ANKRD17: variants seen among roughly 807,000 people sequenced by gnomAD.
The protein encoded by ANKRD17 is ankyrin repeat domain-containing protein 17.
In ANKRD17, 19 loss-of-function variants were observed where a neutral mutation model predicts 229.7. The observed-to-expected ratio is 0.08, with a 90% CI of 0.06 to 0.12. The LOEUF (loss-of-function observed/expected upper bound fraction) is 0.12, where lower values mean the gene tolerates loss of function less well. ANKRD17 is among the 10% of genes least tolerant of loss of function. The pLI is 1.00. For synonymous variants in ANKRD17, 1,112 were observed against 1,146.1 expected (o/e 0.97, Z 0.60); for missense variants, 2,176 against 3,176.8 (o/e 0.68, Z 7.57).
Position 73,147,268 on chromosome 4 carries a change from C to T in ANKRD17, c.1732G>A (p.Glu578Lys). Residue 578 changes from glutamate to lysine, a missense_variant, in exon 9 of 34, where the codon GAG becomes AAG. This residue lies in a region of ANKRD17 where 275 missense variants were observed against 386.9 expected (regional missense o/e 0.71). Coordinates refer to ENST00000358602, the MANE Select transcript of ANKRD17 (RefSeq NM_032217.5). ...GCAGCTAATAAGTATTTAACTAACT[C>T]CAAATGACCCTCTTGAGCAGCTTCC... Reference protein sequence around the residue: ...LMEAAQEGHLELVKYLLAAGA... With the variant: ...LMEAAQEGHLKLVKYLLAAGA... The T allele has an allele frequency of 6.4e-7, 1 of 1,569,650 alleles. No individual in the cohort carries two copies. The highest frequency in any genetic ancestry group is 8.6e-7 in the Non-Finnish European group (1 of 1,160,584).
chr4:73,200,674 T>C (rs1738546410), intron 1 of ANKRD17, among the ~76,000 whole-genome samples: 1 of 152,178 alleles, frequency 6.6e-6, no homozygotes. Flanking sequence ...CTAAATGCCA[T>C]TAGTTTTTGT....
intron 1 of ANKRD17, among the ~76,000 whole-genome samples, chr4:73,184,864 C>T (rs776220099): frequency 2.6e-5 from 4 of 152,034 alleles, no homozygotes; most frequent in Admixed American, 6.6e-5. Flanking sequence ...AGGAAGATGG[C>T]GCCTTTCAAT....
chr4:73,135,892 G>T (rs1330328828), intron 15 of ANKRD17, among the ~76,000 whole-genome samples: 1 of 152,088 alleles, frequency 6.6e-6, no homozygotes, highest in Non-Finnish European at 1.5e-5. Flanking sequence ...TATTCTGAGG[G>T]AGCTAAAATG....
chr4:73,098,917 G>A (rs1723617771), intron 25 of ANKRD17: 2 of 1,077,582 alleles, frequency 1.9e-6, no homozygotes, highest in South Asian at 1.2e-5. Context: ...CCCGCAAGCA[G>A]CCTCTGGTGA....
At chr4:73,100,505 A>T (rs1723843351) in intron 25 of ANKRD17, among the ~76,000 whole-genome samples, 6 of 152,042 alleles carry the variant, frequency 3.9e-5, no homozygotes, top group Admixed American at 3.9e-4. Flanking sequence ...GAGAAAAAAA[A>T]ATTGGGGGGA....
chr4:73,098,800 C>T (rs1177431369), intron 25 of ANKRD17: 11 of 1,484,360 alleles, frequency 7.4e-6, no homozygotes, highest in East Asian at 4.6e-5. Context: ...CAATCTTCCA[C>T]CTGCTCCTTA....
intron 1 of ANKRD17, among the ~76,000 whole-genome samples, chr4:73,229,380 C>T (rs1742825749): frequency 1.3e-5 from 2 of 152,062 alleles, no homozygotes; most frequent in African/African-American, 2.4e-5. Flanking sequence ...TGCTTCCCTA[C>T]AAATATAAAG....
intron 1 of ANKRD17, among the ~76,000 whole-genome samples, chr4:73,180,303 A>G (rs564803494): frequency 1.3e-5 from 2 of 152,246 alleles, no homozygotes; most frequent in South Asian, 4.1e-4. Flanking sequence ...AAAAATTTCT[A>G]TGTGATAGAA....
chr4:73,250,155 C>A (rs1226497482), intron 1 of ANKRD17, among the ~76,000 whole-genome samples: 3 of 152,276 alleles, frequency 2.0e-5, no homozygotes, highest in Non-Finnish European at 2.9e-5. Context: ...TGCTGTATTT[C>A]AGATCATTTA....
chr4:73,100,436 TC>T (rs1723832281), intron 25 of ANKRD17, among the ~76,000 whole-genome samples: 1 of 151,780 alleles, frequency 6.6e-6, no homozygotes, highest in African/African-American at 2.4e-5. Flanking sequence ...CCCTCTGGTT[TC>T]CTATTTGCAG....
chr4:73,144,491 T>TA (rs1207743395), intron 11 of ANKRD17, among the ~76,000 whole-genome samples: 2 of 152,228 alleles, frequency 1.3e-5, no homozygotes, highest in Non-Finnish European at 2.9e-5. Context: ...CCTCAGTTTT[T>TA]ACACAGAGAA....
chr4:73,112,111 A>C (rs997509165), intron 24 of ANKRD17, among the ~76,000 whole-genome samples: 1 of 152,314 alleles, frequency 6.6e-6, no homozygotes, highest in Non-Finnish European at 1.5e-5. Context: ...GTAATAAAAA[A>C]CAAGGCCAGA....
chr4:73,131,098 T>C (rs1320602129), intron 16 of ANKRD17, among the ~76,000 whole-genome samples: 1 of 152,200 alleles, frequency 6.6e-6, no homozygotes, highest in Non-Finnish European at 1.5e-5. Context: ...CTATTATTTA[T>C]TGGTTTCCTA....
chr4:73,165,689 C>T (rs954915525), intron 2 of ANKRD17, among the ~76,000 whole-genome samples: 3 of 152,100 alleles, frequency 2.0e-5, no homozygotes, highest in Non-Finnish European at 4.4e-5. Flanking sequence ...TGGGCCTGAC[C>T]CAATCAAATG....
At chr4:73,098,899 G>A in intron 25 of ANKRD17, 1 of 1,189,220 alleles carries the variant, frequency 8.4e-7, no homozygotes. Flanking sequence ...AGCGGGGCCG[G>A]GGCAGGCCCC....
chr4:73,236,071 G>A (rs1199510613), intron 1 of ANKRD17, among the ~76,000 whole-genome samples: 1 of 151,952 alleles, frequency 6.6e-6, no homozygotes, highest in Admixed American at 6.6e-5. Context: ...ACCTTTCAAA[G>A]AAAAATTCTG....
intron 1 of ANKRD17, among the ~76,000 whole-genome samples, chr4:73,248,620 G>A (rs970008008): frequency 1.3e-5 from 2 of 151,888 alleles, no homozygotes; most frequent in African/African-American, 4.8e-5. Flanking sequence ...TAGCTAATAA[G>A]ATTAGATAAT....
At chr4:73,177,062 C>T (rs1734829601) in intron 2 of ANKRD17, among the ~76,000 whole-genome samples, 3 of 152,158 alleles carry the variant, frequency 2.0e-5, no homozygotes, top group Non-Finnish European at 4.4e-5. Flanking sequence ...TGAAAGACCG[C>T]TAGTACTGAT....
chr4:73,146,213 T>C (rs763239098), intron 10 of ANKRD17, among the ~76,000 whole-genome samples: 24 of 152,142 alleles, frequency 1.6e-4, no homozygotes, highest in Admixed American at 3.3e-4. Flanking sequence ...CCCAAAATAA[T>C]ACATCAGATG....
Sources: allele counts gnomAD v4.1 joint callset (sites outside exome capture counted in the v4.1 genomes callset), GRCh38; gene constraint gnomAD v4.1.1; regional missense constraint gnomAD v4.1.1; transcripts MANE v1.5; gene names NCBI Gene and HGNC (gene_info 2026-07-23, HGNC 2026-07-21).